DLG2: variants seen among roughly 807,000 people sequenced by gnomAD.
DLG2 encodes discs large MAGUK scaffold protein 2.
In DLG2, 45 loss-of-function variants were observed where a neutral mutation model predicts 132.5. The observed-to-expected ratio is 0.34, with a 90% CI of 0.27 to 0.44. The LOEUF is 0.44. Among genes scored for constraint, DLG2 ranks in the 20% least tolerant of loss-of-function variants. DLG2 has a pLI of 1.00. For missense variants in DLG2, 1,045 were observed against 1,196.9 expected, an observed-to-expected ratio of 0.87 and a Z score of 1.87; for synonymous variants, 424 against 419.6, an observed-to-expected ratio of 1.01 and a Z score of -0.13.
At chr11:84,950,556 A>G (rs901015397) in intron 6 of DLG2, among the ~76,000 whole-genome samples, 2 of 152,170 alleles carry the variant, frequency 1.3e-5, no homozygotes, top group African/African-American at 4.8e-5. Context: ...TCATTAACAA[A>G]GATTTATTGA....
chr11:83,604,930 G>T (rs1264344707), intron 19 of DLG2, among the ~76,000 whole-genome samples: 3 of 151,800 alleles, frequency 2.0e-5, no homozygotes, highest in African/African-American at 4.8e-5. Context: ...GGCCCAACAG[G>T]CCAGAGCAAA....
At chr11:83,903,336 A>G (rs2073966992) in intron 15 of DLG2, among the ~76,000 whole-genome samples, 1 of 152,146 alleles carries the variant, frequency 6.6e-6, no homozygotes, top group African/African-American at 2.4e-5. Flanking sequence ...AAAACCTATC[A>G]GACCCATTTT....
At chr11:83,698,186 T>C (rs545380692) in intron 18 of DLG2, among the ~76,000 whole-genome samples, 2 of 152,330 alleles carry the variant, frequency 1.3e-5, no homozygotes, top group South Asian at 4.1e-4. Context: ...GCCTGGCATA[T>C]AACAAGTATG....
chr11:85,151,130 A>AT (rs1298366676), intron 5 of DLG2, among the ~76,000 whole-genome samples: 2 of 151,900 alleles, frequency 1.3e-5, no homozygotes, highest in Non-Finnish European at 2.9e-5. Context: ...TGGGTTGAAC[A>AT]TTTTTCATAG....
chr11:83,472,818 C>A, intron 22 of DLG2, 41 bp from the exon 23 acceptor site: 1 of 1,543,052 alleles, frequency 6.5e-7, no homozygotes, highest in South Asian at 1.1e-5. Context: ...AACTAACAGT[C>A]ATATATTACA....
chr11:85,483,676 G>A (rs888223511), intron 3 of DLG2, among the ~76,000 whole-genome samples: 4 of 152,098 alleles, frequency 2.6e-5, no homozygotes, highest in Non-Finnish European at 5.9e-5. Context: ...AGGCGTGGTG[G>A]CTCACACCTA....
In DLG2 at chr11:83,831,623, A is replaced by G. The variant is rs139732073; in HGVS notation, c.1722+1991T>C. Among the ~76,000 whole-genome samples, 20 of 152,310 alleles carry G rather than the reference A, an allele frequency of 1.3e-4. No individual in the cohort carries two copies. The East Asian group carries it at 3.7e-3, about 28-fold the overall frequency. On this transcript the variant is annotated intron_variant, in intron 17 of 27. Transcript: ENST00000376104. Reference sequence around the variant, plus strand: ...GGCTAACAAATATAAGGTAAATTATAAGATTCTATTTATAAATCACAGCCA... The same window carrying G: ...GGCTAACAAATATAAGGTAAATTATGAGATTCTATTTATAAATCACAGCCA...
At chr11:84,645,302 T>A (rs906558881) in intron 6 of DLG2, among the ~76,000 whole-genome samples, 2 of 152,136 alleles carry the variant, frequency 1.3e-5, no homozygotes, top group African/African-American at 4.8e-5. Context: ...ATAAAATATG[T>A]CAAGTAACTA....
At chr11:84,780,827 T>A (rs1565943931) in intron 6 of DLG2, among the ~76,000 whole-genome samples, 1 of 152,094 alleles carries the variant, frequency 6.6e-6, no homozygotes, top group Non-Finnish European at 1.5e-5. Context: ...TTCTTCCAGG[T>A]ATATTCATCT....
chr11:83,462,477 A>G (rs915598848), intron 26 of DLG2, among the ~76,000 whole-genome samples: 7 of 152,160 alleles, frequency 4.6e-5, no homozygotes, highest in African/African-American at 1.4e-4. Context: ...TGCTTCATCT[A>G]TCCCCTCATT....
chr11:84,635,690 C>T (rs1328379342), intron 6 of DLG2, among the ~76,000 whole-genome samples: 2 of 152,066 alleles, frequency 1.3e-5, no homozygotes, highest in East Asian at 3.9e-4. Flanking sequence ...AGCCTTCATA[C>T]ACATTATTTC....
At chr11:84,569,481 T>G (rs2099471844) in intron 6 of DLG2, among the ~76,000 whole-genome samples, 1 of 151,548 alleles carries the variant, frequency 6.6e-6, no homozygotes, top group Admixed American at 6.6e-5. Flanking sequence ...GGATAGAAAA[T>G]TTAATAAAAT....
chr11:85,403,489 T>TA (rs1033036308), intron 3 of DLG2, among the ~76,000 whole-genome samples: 18 of 150,966 alleles, frequency 1.2e-4, no homozygotes, highest in South Asian at 2.1e-4. Context: ...TAAAGTATAA[T>TA]AAAAAAAATT....
intron 3 of DLG2, among the ~76,000 whole-genome samples, chr11:85,494,695 T>C (rs2153112194): frequency 6.6e-6 from 1 of 152,212 alleles, no homozygotes; most frequent in East Asian, 1.9e-4. Context: ...AATGATAAAT[T>C]AGTATTTCAA....
At position 83,560,070 on chromosome 11, in the gene DLG2, T is replaced by A. The variant is rs146173143; in HGVS notation, c.1941-18212A>T. On this transcript the variant is annotated intron_variant, in intron 19 of 27. Coordinates refer to ENST00000376104, the MANE Select transcript of DLG2 (RefSeq NM_001142699.3). ...TACATGGTGAAATTAGAAGAAATTTTCAAGAGAGTATAATGAAAGAGAGGG... is the reference window on the plus strand; with the variant it reads ...TACATGGTGAAATTAGAAGAAATTTACAAGAGAGTATAATGAAAGAGAGGG... 1.3e-4 allele frequency among the ~76,000 whole-genome samples: 20 copies of A among 152,210 alleles called. 1 individual carries two copies. In the East Asian group the frequency reaches 3.9e-3, roughly 29 times the overall value.
rs2072777494 is a variant in DLG2, at chr11:85,111,721, T to A, written c.297A>T (p.Arg99Ser). 1.3e-6 allele frequency: 2 copies of A among 1,558,688 alleles called. No homozygotes were observed. The highest frequency in any genetic ancestry group is 1.7e-6 in the Non-Finnish European group (2 of 1,150,724). ...TDETTTQNQG[R>S]CPAQNCSVEA... ...CCACTGAACAATTCTGGGCTGGGCATCTGCCTTGGTTTTGCTGCAAATAAG... is the reference window on the plus strand; with the variant it reads ...CCACTGAACAATTCTGGGCTGGGCAACTGCCTTGGTTTTGCTGCAAATAAG... Residue 99 changes from arginine to serine, a missense_variant, in exon 6 of 28, where the codon AGA becomes AGT. This residue lies in a region of DLG2 where 277 missense variants were observed against 238.2 expected (regional missense o/e 1.16). Coordinates refer to ENST00000376104, the MANE Select transcript of DLG2 (RefSeq NM_001142699.3).
chr11:84,877,512 C>CTTTTTTTTTTTTTTTTTT (rs60339036), intron 6 of DLG2, among the ~76,000 whole-genome samples: 33 of 57,446 alleles, frequency 5.7e-4, no homozygotes, highest in Admixed American at 8.7e-4. Context: ...GCAACCCCTG[C>CTTTTTTTTTTTTTTTTTT]TTTTTTTTTT....
chr11:85,255,357 G>A (rs968397541), intron 4 of DLG2, among the ~76,000 whole-genome samples: 8 of 152,010 alleles, frequency 5.3e-5, no homozygotes, highest in South Asian at 4.1e-4. Flanking sequence ...ACAAACATAC[G>A]CATGGATATT....
chr11:84,176,672 A>C (rs1415474253), intron 8 of DLG2, among the ~76,000 whole-genome samples: 1 of 151,996 alleles, frequency 6.6e-6, no homozygotes, highest in Non-Finnish European at 1.5e-5. Context: ...AGCTAGTCGG[A>C]TTAAGGCGTT....
Sources: gnomAD v4.1 joint callset for allele counts (sites outside exome capture counted in the v4.1 genomes callset) on GRCh38, gnomAD v4.1.1 for gene constraint, gnomAD v4.1.1 regional missense constraint, MANE v1.5 for transcripts, NCBI Gene and HGNC (gene_info 2026-07-23, HGNC 2026-07-21) for gene names.